Variants in EIPR1 observed in about 807,000 individuals in gnomAD.
EIPR1 encodes the protein EARP complex and GARP complex interacting protein 1, also known as EARP and GARP complex-interacting protein 1.
A neutral mutation model predicts 48.1 loss-of-function variants in EIPR1; 25 were observed. That is an observed-to-expected ratio of 0.52 (90% CI 0.38 to 0.73). The LOEUF (loss-of-function observed/expected upper bound fraction) is 0.73, where lower values mean the gene tolerates loss of function less well. Among genes scored for constraint, EIPR1 ranks in the 30% least tolerant of loss-of-function variants. EIPR1 has a pLI of 0.00. For synonymous variants in EIPR1, 204 were observed against 201.9 expected, an observed-to-expected ratio of 1.01 and a Z score of -0.09; for missense variants, 415 against 506.2, an observed-to-expected ratio of 0.82 and a Z score of 1.73.
chr2:3,192,568 G>C lies in EIPR1; in HGVS notation c.835C>G (p.Arg279Gly). The change falls in exon 8 of 9, where the codon CGC becomes GGC. Residue 279 changes from arginine to glycine, a missense_variant. By Grantham distance (125) the Arg-to-Gly change is moderately radical. Transcript: ENST00000382125. ...EEHSHWVWNV[R>G]YNHSHDQLVL... The stretch of plus-strand genomic sequence containing the variant: ...AGCTGGTCATGAGAGTGGTTGTAGC[G>C]GACGTTCCACACCCTGCAAAGGGCA... The C allele has an allele frequency of 6.2e-7, 1 of 1,611,740 alleles. No individual in the cohort carries two copies. Among genetic ancestry groups the C allele is most frequent in the Non-Finnish European group, 8.5e-7 (1 of 1,179,476 alleles).
chr2:3,365,479 G>A (rs977923060), intron 1 of EIPR1, among the ~76,000 whole-genome samples: 3 of 98,000 alleles, frequency 3.1e-5, no homozygotes, highest in African/African-American at 9.2e-5. Flanking sequence ...CTCAGAAAAA[G>A]CTTTTTTTTT....
intron 3 of EIPR1, among the ~76,000 whole-genome samples, chr2:3,277,802 C>T (rs1161751762): frequency 6.6e-6 from 1 of 152,342 alleles, no homozygotes; most frequent in South Asian, 2.1e-4. Context: ...ACATTGCTGC[C>T]CCATCTGTGC....
chr2:3,211,996 G>C (rs1412669432), intron 5 of EIPR1, among the ~76,000 whole-genome samples: 1 of 152,188 alleles, frequency 6.6e-6, no homozygotes, highest in Non-Finnish European at 1.5e-5. Flanking sequence ...AATTGCAAAA[G>C]GTAATGATGC....
intron 3 of EIPR1, among the ~76,000 whole-genome samples, chr2:3,300,651 A>G (rs1668737321): frequency 6.6e-6 from 1 of 152,144 alleles, no homozygotes; most frequent in African/African-American, 2.4e-5. Flanking sequence ...TTTCCATGAA[A>G]AAAAAAAAGA....
intron 1 of EIPR1, among the ~76,000 whole-genome samples, chr2:3,369,042 A>C (rs550927478): frequency 1.8e-4 from 28 of 152,314 alleles, no homozygotes; most frequent in Admixed American, 4.6e-4. Flanking sequence ...ACAAAAAAAA[A>C]CACTATCCTT....
intron 1 of EIPR1, among the ~76,000 whole-genome samples, chr2:3,367,347 T>A (rs1290741979): frequency 1.3e-5 from 2 of 152,160 alleles, no homozygotes; most frequent in African/African-American, 4.8e-5. Context: ...TTACCAAAAC[T>A]GATCAGAAAA....
At position 3,200,858 on chromosome 2, in the gene EIPR1, C is replaced by A. The variant is rs1054883061; in HGVS notation, c.517-3841G>T. On this transcript the variant is annotated intron_variant, in intron 5 of 8. Transcript: ENST00000382125. Reference sequence around the variant, plus strand: ...GAACTTGGTGAGGACAGCCAGGGTCCAGGCCAGCTGTCAGCAGGACAGAGT... The same window carrying A: ...GAACTTGGTGAGGACAGCCAGGGTCAAGGCCAGCTGTCAGCAGGACAGAGT... Among the ~76,000 whole-genome samples, 4 of 152,154 alleles carry A rather than the reference C, an allele frequency of 2.6e-5. No homozygotes were observed. The East Asian group carries it at 5.8e-4, about 22-fold the overall frequency.
intron 3 of EIPR1, among the ~76,000 whole-genome samples, chr2:3,291,030 T>G (rs1038384779): frequency 1.3e-5 from 2 of 152,166 alleles, no homozygotes; most frequent in Admixed American, 1.3e-4. Context: ...GGTCTAAAAT[T>G]TGGCTTCTGC....
At chr2:3,268,533 G>C (rs998659996) in intron 3 of EIPR1, among the ~76,000 whole-genome samples, 1 of 152,120 alleles carries the variant, frequency 6.6e-6, no homozygotes, top group Non-Finnish European at 1.5e-5. Flanking sequence ...CACATCTGAC[G>C]CCTGTGACTC....
intron 3 of EIPR1, among the ~76,000 whole-genome samples, chr2:3,314,688 C>G (rs971044398): frequency 6.6e-6 from 1 of 151,922 alleles, no homozygotes; most frequent in Non-Finnish European, 1.5e-5. Flanking sequence ...CTGAAGGACA[C>G]ACCTGATCCT....
intron 4 of EIPR1, among the ~76,000 whole-genome samples, chr2:3,224,305 T>G (rs1009329533): frequency 6.6e-6 from 1 of 152,226 alleles, no homozygotes; most frequent in African/African-American, 2.4e-5. Context: ...GGAAGTCAGC[T>G]TCAACCCTGC....
At chr2:3,354,775 A>G in intron 1 of EIPR1, 142 bp from the exon 2 acceptor site, 1 of 829,898 alleles carries the variant, frequency 1.2e-6, no homozygotes. Context: ...AGCAATTTAG[A>G]AATATGTATT....
At chr2:3,264,586 G>A (rs570611155) in intron 3 of EIPR1, among the ~76,000 whole-genome samples, 1 of 152,348 alleles carries the variant, frequency 6.6e-6, no homozygotes, top group South Asian at 2.1e-4. Context: ...ACTGCAGTGG[G>A]TAGAAGCATC....
intron 3 of EIPR1, among the ~76,000 whole-genome samples, chr2:3,290,230 C>G (rs1668324535): frequency 6.6e-6 from 1 of 152,206 alleles, no homozygotes; most frequent in African/African-American, 2.4e-5. Context: ...GCCCCCAGGC[C>G]TAGAATGCTG....
At chr2:3,223,020 G>A (rs1665946794) in intron 4 of EIPR1, among the ~76,000 whole-genome samples, 1 of 152,162 alleles carries the variant, frequency 6.6e-6, no homozygotes, top group Non-Finnish European at 1.5e-5. Flanking sequence ...AGAAGAATCT[G>A]AGCCCAGGAG....
At chr2:3,224,876 C>T (rs1220902723) in intron 4 of EIPR1, among the ~76,000 whole-genome samples, 6 of 152,178 alleles carry the variant, frequency 3.9e-5, no homozygotes, top group Non-Finnish European at 7.3e-5. Context: ...CCTAAGAGTT[C>T]ATGAGATATC....
chr2:3,367,262 A>G (rs925902602), intron 1 of EIPR1, among the ~76,000 whole-genome samples: 3 of 152,210 alleles, frequency 2.0e-5, no homozygotes, highest in Non-Finnish European at 4.4e-5. Flanking sequence ...TGTTCCAGGC[A>G]CATAATAGTG....
At chr2:3,356,178 C>A (rs1670723831) in intron 1 of EIPR1, among the ~76,000 whole-genome samples, 1 of 152,190 alleles carries the variant, frequency 6.6e-6, no homozygotes, top group South Asian at 2.1e-4. Context: ...ACCACCCAAC[C>A]CCTACCCCCA....
At chr2:3,240,271 G>C (rs1262043824) in intron 4 of EIPR1, among the ~76,000 whole-genome samples, 1 of 143,762 alleles carries the variant, frequency 7.0e-6, no homozygotes, top group East Asian at 2.1e-4. Flanking sequence ...TCTTCCTCAG[G>C]AACAGCCAGC....
Sources: gnomAD v4.1 joint callset for allele counts (sites outside exome capture counted in the v4.1 genomes callset) on GRCh38, gnomAD v4.1.1 for gene constraint, MANE v1.5 for transcripts, NCBI Gene and HGNC (gene_info 2026-07-23, HGNC 2026-07-21) for gene names.